RIMS2: variants seen among roughly 807,000 people sequenced by gnomAD.
RIMS2 encodes regulating synaptic membrane exocytosis 2.
A neutral mutation model predicts 174.4 loss-of-function variants in RIMS2; 59 were observed. The observed-to-expected ratio is 0.34, with a 90% CI of 0.27 to 0.42. The LOEUF is 0.42. Among genes scored for constraint, RIMS2 ranks in the 10% least tolerant of loss-of-function variants. The pLI is 1.00. For missense variants in RIMS2, 1,620 were observed against 1,666.3 expected, an observed-to-expected ratio of 0.97 and a Z score of 0.48; for synonymous variants, 606 against 572.5, an observed-to-expected ratio of 1.06 and a Z score of -0.84.
intron 14 of RIMS2, among the ~76,000 whole-genome samples, chr8:103,944,338 T>C (rs1050403291): frequency 1.1e-4 from 17 of 152,234 alleles, no homozygotes; most frequent in Middle Eastern, 3.4e-3. Flanking sequence ...TTCAGTACTT[T>C]CTCTCTGAAT....
At chr8:103,924,812 T>C (rs1280407046) in intron 10 of RIMS2, among the ~76,000 whole-genome samples, 3 of 151,652 alleles carry the variant, frequency 2.0e-5, no homozygotes, top group South Asian at 2.1e-4. Flanking sequence ...AGGCTGTTGA[T>C]TTTTTTAAAT....
intron 19 of RIMS2, among the ~76,000 whole-genome samples, chr8:104,127,066 T>G (rs1462292551): frequency 1.3e-5 from 2 of 152,150 alleles, no homozygotes; most frequent in African/African-American, 4.8e-5. Flanking sequence ...AGAGTTAAAT[T>G]ATTTCAGTGG....
chr8:103,888,064 C>T (rs1222760527), intron 4 of RIMS2, among the ~76,000 whole-genome samples: 1 of 151,414 alleles, frequency 6.6e-6, no homozygotes. Context: ...AGGGAGAACT[C>T]ACTTGACCAG....
At chr8:103,557,634 T>C (rs1252038519) in intron 1 of RIMS2, among the ~76,000 whole-genome samples, 2 of 152,228 alleles carry the variant, frequency 1.3e-5, no homozygotes, top group Non-Finnish European at 2.9e-5. Flanking sequence ...TACAGGAGTT[T>C]ACATTCTCTA....
chr8:103,688,173 T>G (rs1313251265), intron 1 of RIMS2, among the ~76,000 whole-genome samples: 1 of 152,118 alleles, frequency 6.6e-6, no homozygotes, highest in African/African-American at 2.4e-5. Context: ...TGTCTTCTTC[T>G]TGATCTTAGA....
intron 19 of RIMS2, among the ~76,000 whole-genome samples, chr8:104,030,201 A>G (rs945084787): frequency 2.0e-5 from 3 of 152,176 alleles, no homozygotes; most frequent in African/African-American, 4.8e-5. Context: ...TAAAATACAC[A>G]TAGAGCCTGG....
chr8:103,668,680 T>G (rs990997449), intron 1 of RIMS2, among the ~76,000 whole-genome samples: 15 of 151,762 alleles, frequency 9.9e-5, no homozygotes, highest in South Asian at 2.1e-4. Flanking sequence ...ATTTATTTAT[T>G]TATGTATTTA....
At chr8:104,053,169 C>T (rs2096815536) in intron 19 of RIMS2, among the ~76,000 whole-genome samples, 1 of 152,148 alleles carries the variant, frequency 6.6e-6, no homozygotes, top group South Asian at 2.1e-4. Context: ...AAAGTCACCA[C>T]AAATTAAGTA....
At chr8:104,082,381 A>AATTTT (rs2097438732) in intron 19 of RIMS2, among the ~76,000 whole-genome samples, 1 of 152,204 alleles carries the variant, frequency 6.6e-6, no homozygotes, top group South Asian at 2.1e-4. Context: ...ATTTTTAAAA[A>AATTTT]TACACGTACA....
chr8:103,958,237 A>G (rs960502920), intron 14 of RIMS2, among the ~76,000 whole-genome samples: 1 of 152,220 alleles, frequency 6.6e-6, no homozygotes, highest in Non-Finnish European at 1.5e-5. Flanking sequence ...AAAGAACAAC[A>G]TCATGTCTTT....
chr8:103,967,524 G>C (rs961312992), intron 15 of RIMS2, among the ~76,000 whole-genome samples: 2 of 149,780 alleles, frequency 1.3e-5, no homozygotes, highest in Non-Finnish European at 3.0e-5. Context: ...ACAGGGTCTG[G>C]CTCTGTCACC....
chr8:103,709,641 A>T (rs1773733315), intron 2 of RIMS2, among the ~76,000 whole-genome samples: 1 of 152,284 alleles, frequency 6.6e-6, no homozygotes, highest in East Asian at 1.9e-4. Flanking sequence ...GGTAGGAACA[A>T]CTATTTTCTT....
chr8:103,826,146 A>T (rs777787298), intron 3 of RIMS2, among the ~76,000 whole-genome samples: 3 of 152,132 alleles, frequency 2.0e-5, no homozygotes, highest in African/African-American at 7.2e-5. Flanking sequence ...TATATATATA[A>T]AATGTATGTT....
intron 19 of RIMS2, among the ~76,000 whole-genome samples, chr8:104,175,558 C>T (rs2098881976): frequency 6.6e-6 from 1 of 152,032 alleles, no homozygotes; most frequent in African/African-American, 2.4e-5. Flanking sequence ...TGTTTTTGTA[C>T]CCATTAACTG....
chr8:104,057,275 C>T (rs1024289910), intron 19 of RIMS2, among the ~76,000 whole-genome samples: 7 of 151,884 alleles, frequency 4.6e-5, no homozygotes, highest in Non-Finnish European at 7.4e-5. Context: ...ACTTTGTTGC[C>T]TAGGCTATTT....
intron 1 of RIMS2, among the ~76,000 whole-genome samples, chr8:103,552,305 A>G (rs1231634778): frequency 6.6e-6 from 1 of 152,130 alleles, no homozygotes; most frequent in East Asian, 1.9e-4. Flanking sequence ...CACATCTACA[A>G]CCATCTGATC....
intron 1 of RIMS2, among the ~76,000 whole-genome samples, chr8:103,622,743 CT>C (rs1006281651): frequency 3.0e-4 from 45 of 152,316 alleles, no homozygotes; most frequent in African/African-American, 1.0e-3. Flanking sequence ...CTTCTCCCCC[CT>C]GCTATCAAAT....
chr8:103,701,911 T>C (rs765068685), intron 2 of RIMS2, among the ~76,000 whole-genome samples: 1 of 152,144 alleles, frequency 6.6e-6, no homozygotes, highest in Non-Finnish European at 1.5e-5. Flanking sequence ...CAGGTATCTC[T>C]TCAGTATGTT....
intron 3 of RIMS2, among the ~76,000 whole-genome samples, chr8:103,786,121 C>T (rs1449077074): frequency 6.6e-6 from 1 of 152,086 alleles, no homozygotes; most frequent in African/African-American, 2.4e-5. Flanking sequence ...GTGATATCCC[C>T]TTTATCATTT....
Sources: allele counts gnomAD v4.1 joint callset (sites outside exome capture counted in the v4.1 genomes callset), GRCh38; gene constraint gnomAD v4.1.1; transcripts MANE v1.5; gene names NCBI Gene and HGNC (gene_info 2026-07-23, HGNC 2026-07-21).